The following ODAD1 variants were observed in gnomAD, a reference collection of about 807,000 sequenced individuals.
The protein encoded by ODAD1 is outer dynein arm-docking complex subunit 1.
ODAD1 carries 49 observed loss-of-function variants against 67.2 expected under a neutral mutation model. That is an observed-to-expected ratio of 0.73 (90% confidence interval 0.58 to 0.92). The LOEUF (loss-of-function observed/expected upper bound fraction) is 0.92. ODAD1 is among the 40% of genes least tolerant of loss of function. The pLI, the probability that ODAD1 is intolerant of heterozygous loss-of-function variation, is 0.00. For synonymous variants in ODAD1, 345 were observed against 393.7 expected, an observed-to-expected ratio of 0.88 and a Z score of 1.46; for missense variants, 897 against 953.7, an observed-to-expected ratio of 0.94 and a Z score of 0.78.
intron 8 of ODAD1, among the ~76,000 whole-genome samples, chr19:48,305,221 G>A (rs1019379035): frequency 3.3e-5 from 5 of 152,124 alleles, no homozygotes; most frequent in Non-Finnish European, 4.4e-5. Context: ...GCTCATGAGA[G>A]CCCCAGAGAG....
intron 5 of ODAD1, among the ~76,000 whole-genome samples, chr19:48,312,400 GTTTTTT>G (rs767432952): frequency 5.8e-5 from 7 of 120,812 alleles, no homozygotes; most frequent in Non-Finnish European, 1.2e-4. Context: ...ACTCCTTTCC[GTTTTTT>G]TTTTTGTTTT....
chr19:48,297,701 G>C (rs375481258), intron 14 of ODAD1, 33 bp from the exon 15 acceptor site: 87 of 1,452,884 alleles, frequency 6.0e-5, no homozygotes, highest in Non-Finnish European at 7.8e-5. Flanking sequence ...GAAAAGACTA[G>C]ACCTCAGCCC....
intron 7 of ODAD1, 144 bp downstream of exon 7, chr19:48,311,409 C>T: frequency 1.7e-6 from 1 of 595,740 alleles, no homozygotes. Context: ...CCCAGGCCTC[C>T]ATGCCTTTTG....
intron 12 of ODAD1, among the ~76,000 whole-genome samples, chr19:48,299,337 G>A (rs1170427773): frequency 4.6e-5 from 7 of 152,146 alleles, no homozygotes; most frequent in African/African-American, 1.7e-4. Context: ...CTTGAACCCG[G>A]GAGATGGACG....
At chr19:48,297,543 C>G (rs778806451) in intron 15 of ODAD1, 25 bp from the exon 16 acceptor site, 28 of 1,597,192 alleles carry the variant, frequency 1.8e-5, no homozygotes, top group Middle Eastern at 3.3e-4. Context: ...AACTGGGCCC[C>G]GACACACACT....
intron 12 of ODAD1, among the ~76,000 whole-genome samples, chr19:48,301,297 G>A (rs532189057): frequency 6.6e-6 from 1 of 152,120 alleles, no homozygotes; most frequent in Non-Finnish European, 1.5e-5. Context: ...AAGACCCATC[G>A]GTCCCACTGC....
At chr19:48,319,433 C>T in intron 3 of ODAD1, 1 of 986,206 alleles carries the variant, frequency 1.0e-6, no homozygotes, top group Middle Eastern at 5.2e-4. Flanking sequence ...ACCTTACCCA[C>T]CTCTCCAGTC....
chr19:48,303,034 A>C lies in ODAD1; in HGVS notation c.1050T>G (p.His350Gln), dbSNP rs1968511707. 1.2e-6 allele frequency: 2 copies of C among 1,614,064 alleles called. No individual in the cohort carries two copies. The highest frequency in any genetic ancestry group is 4.5e-5 in the East Asian group (2 of 44,864). Reference protein sequence around the residue: ...FINEQNLELEHVQEEIKEMQE... With the variant: ...FINEQNLELEQVQEEIKEMQE... ...TCACCTCCTTGATCTCTTCCTGCAC[A>C]TGCTCCAGCTCCAAGTTCTGCTCGT... The change falls in exon 11 of 16, where the codon CAT becomes CAG. Residue 350 changes from histidine to glutamine, a missense_variant. Transcript: ENST00000674294.
intron 12 of ODAD1, among the ~76,000 whole-genome samples, chr19:48,302,435 A>G (rs1039728206): frequency 2.6e-5 from 4 of 151,266 alleles, no homozygotes; most frequent in Non-Finnish European, 4.4e-5. Context: ...GGAGGGATCA[A>G]CCCTAGATGG....
intron 6 of ODAD1, 30 bp from the exon 7 acceptor site, chr19:48,311,696 G>T: frequency 7.5e-7 from 1 of 1,333,696 alleles, no homozygotes; most frequent in South Asian, 1.3e-5. Flanking sequence ...TGGAAGAGTG[G>T]GTCTGAAGCC....
In ODAD1 at chr19:48,318,422, C is replaced by T. The variant is rs368408933; in HGVS notation, c.325G>A (p.Glu109Lys). The change falls in exon 5 of 16, where the codon GAG becomes AAG. Residue 109 changes from glutamate (E) to lysine (K), a missense_variant. Transcript: ENST00000674294. Reference protein sequence around the residue: ...GRAQVQAEIEELQEQTRALDK... With the variant: ...GRAQVQAEIEKLQEQTRALDK... ...AGGGCCCTGGTCTGCTCCTGCAGCTCCTCGATCTCCGCCTGCACCTGGGCC... is the reference window on the plus strand; with the variant it reads ...AGGGCCCTGGTCTGCTCCTGCAGCTTCTCGATCTCCGCCTGCACCTGGGCC... 74 of 1,551,636 alleles carry T rather than the reference C, an allele frequency of 4.8e-5. No individual in the cohort carries two copies. The East Asian group carries it at 1.6e-3, about 34-fold the overall frequency.
chr19:48,309,905 C>G (rs1038284887), intron 7 of ODAD1, among the ~76,000 whole-genome samples: 1 of 152,170 alleles, frequency 6.6e-6, no homozygotes, highest in Non-Finnish European at 1.5e-5. Flanking sequence ...GACATTCCCC[C>G]CAAAGTGCAG....
chr19:48,305,724 T>G (rs1260336373), intron 8 of ODAD1, among the ~76,000 whole-genome samples: 3 of 151,982 alleles, frequency 2.0e-5, no homozygotes, highest in Non-Finnish European at 2.9e-5. Context: ...CATTCTTATG[T>G]GCTAGATGGG....
Position 48,318,471 on chromosome 19 carries a change from G to T in ODAD1, c.276C>A (p.Asn92Lys), listed in dbSNP as rs753389945. 8 of 1,551,644 alleles carry T rather than the reference G, an allele frequency of 5.2e-6. No individual in the cohort carries two copies. In the South Asian group the frequency reaches 9.5e-5, roughly 18 times the overall value. ...KRLRDSQRLE[N>K]MDRLLKGRAQ... The stretch of plus-strand genomic sequence containing the variant: ...CCCGGCCCTTCAGCAGGCGGTCCAT[G>T]TTCTCCAGCCGCTGACTGTCCCGAA... Residue 92 changes from asparagine to lysine, a missense_variant, in exon 5 of 16, where the codon AAC becomes AAA. Coordinates refer to ENST00000674294, the MANE Select transcript of ODAD1 (RefSeq NM_001364171.2).
chr19:48,318,578 T>C lies in ODAD1; in HGVS notation c.171-2A>G. 6.5e-7 allele frequency: 1 copy of C among 1,550,154 alleles called. No individual in the cohort carries two copies. The highest frequency in any genetic ancestry group is 8.7e-7 in the Non-Finnish European group (1 of 1,145,920). On this transcript the variant is annotated splice_acceptor_variant, in intron 4 of 15. Transcript: ENST00000674294. LOFTEE classifies it high-confidence loss of function. ...TCCTCCAAGCGCCGGATCTCCTCAC[T>C]ACCCAGGCAGGGAGGTGGAAGAGGG...
At chr19:48,305,166 G>A (rs1228497829) in intron 8 of ODAD1, among the ~76,000 whole-genome samples, 1 of 152,148 alleles carries the variant, frequency 6.6e-6, no homozygotes, top group African/African-American at 2.4e-5. Context: ...AGAAGAGGGC[G>A]AAGCTGAGAA....
At chr19:48,318,183 G>C (rs1017087535) in intron 5 of ODAD1, among the ~76,000 whole-genome samples, 8 of 152,120 alleles carry the variant, frequency 5.3e-5, no homozygotes, top group Non-Finnish European at 8.8e-5. Context: ...GTAGAGATGG[G>C]GTTTCACCAC....
At chr19:48,299,544 C>T (rs2147311043) in intron 12 of ODAD1, among the ~76,000 whole-genome samples, 2 of 152,258 alleles carry the variant, frequency 1.3e-5, no homozygotes, top group Middle Eastern at 3.4e-3. Flanking sequence ...TGGCTCACAC[C>T]TGTAATCCCA....
rs1969035410 is a variant in ODAD1 at position 48,321,836 on chromosome 19, G to A, written c.-222C>T. The A allele has an allele frequency of 2.5e-6, 1 of 398,560 alleles. No homozygotes were observed. Among genetic ancestry groups the A allele is most frequent in the South Asian group, 1.3e-4 (1 of 7,882 alleles). 24.7% of individuals were successfully genotyped at this position (398,560 alleles called of 1,614,324 possible). On this transcript the variant is annotated 5_prime_UTR_variant, in exon 1 of 16. Transcript: ENST00000674294. ...AAGGATTCATAGGAAGGAAGGCGGT[G>A]TCGAAGCCGGGAGTTGCGCGGAGAA...
Sources: allele counts gnomAD v4.1 joint callset (sites outside exome capture counted in the v4.1 genomes callset), GRCh38; gene constraint gnomAD v4.1.1; transcripts MANE v1.5; gene names NCBI Gene and HGNC (gene_info 2026-07-23, HGNC 2026-07-21).